Variants in OSTC observed in about 807,000 individuals in gnomAD.
OSTC encodes the protein oligosaccharyltransferase complex subunit OSTC.
Under a neutral mutation model 16.4 loss-of-function variants are expected in OSTC, and 16 were observed. That is an observed-to-expected ratio of 0.98 (90% CI 0.66 to 1.49). The LOEUF (loss-of-function observed/expected upper bound fraction) is 1.49. Among genes scored for constraint, OSTC ranks in the 40% most tolerant of loss-of-function variants. OSTC has a pLI of 0.00. For missense variants in OSTC, 139 were observed against 186.3 expected, an observed-to-expected ratio of 0.75 and a Z score of 1.48; for synonymous variants, 67 against 68.5, an observed-to-expected ratio of 0.98 and a Z score of 0.11.
At chr4:108,656,565 T>C (rs547108883) in intron 2 of OSTC, among the ~76,000 whole-genome samples, 2 of 123,560 alleles carry the variant, frequency 1.6e-5, no homozygotes, top group Non-Finnish European at 3.3e-5. Context: ...TGATAAAAGC[T>C]CTGTATCCCT....
At chr4:108,654,941 G>A (rs967464733) in intron 1 of OSTC, among the ~76,000 whole-genome samples, 11 of 152,116 alleles carry the variant, frequency 7.2e-5, no homozygotes, top group Admixed American at 3.3e-4. Flanking sequence ...TTTGTGAACC[G>A]AAGTAGAGCC....
rs771054474 is a variant in OSTC at position 108,650,801 on chromosome 4, C to T, written c.139+7C>T. On this transcript the variant is annotated splice_region_variant and intron_variant, in intron 1 of 3. Transcript: ENST00000361564. Reference sequence around the variant, plus strand: ...TACTTCCTCATCACCGGAGGTAACTCGGGCTGTCGGGCCCGAGAGGCTGAG... The same window carrying T: ...TACTTCCTCATCACCGGAGGTAACTTGGGCTGTCGGGCCCGAGAGGCTGAG... The T allele has an allele frequency of 2.5e-6, 4 of 1,614,016 alleles. No homozygotes were observed. The highest frequency in any genetic ancestry group is 2.2e-5 in the South Asian group (2 of 91,072).
chr4:108,660,868 T>C (rs1726838846), intron 3 of OSTC, among the ~76,000 whole-genome samples: 1 of 152,226 alleles, frequency 6.6e-6, no homozygotes, highest in South Asian at 2.1e-4. Context: ...GATATAATTT[T>C]ACTAATTAAA....
chr4:108,652,328 C>T (rs1002270980), intron 1 of OSTC: 4 of 152,094 alleles, frequency 2.6e-5, no homozygotes, highest in African/African-American at 9.7e-5. Flanking sequence ...ATGCTAGTTT[C>T]TTTCCTGTAA....
rs150876810 is a variant in OSTC at position 108,652,251 on chromosome 4, A to C, written c.139+1457A>C. On this transcript the variant is annotated intron_variant, in intron 1 of 3. Coordinates refer to ENST00000361564, the MANE Select transcript of OSTC (RefSeq NM_021227.4). ...CTCGCAAATTCGTGAAGCGTTCCAT[A>C]TTTTTGCACAGTTCACGAAGGTCGT... 1.0e-3 allele frequency: 153 copies of C among 152,188 alleles called. 1 individual carries two copies. The highest frequency in any genetic ancestry group is 3.5e-3 in the African/African-American group (144 of 41,526). The allele number at this position is 152,188 out of a possible 1,614,324, so 9.4% of individuals were successfully genotyped here. A position where few individuals can be genotyped will look rare whatever the true frequency, so the allele number is the denominator to read the frequency against.
intron 1 of OSTC, 120 bp downstream of exon 1, chr4:108,650,914 C>T (rs966732635): frequency 2.3e-5 from 33 of 1,449,162 alleles, no homozygotes; most frequent in Non-Finnish European, 2.7e-5. Context: ...TGGATCTTTT[C>T]TGAGGGTGGA....
At chr4:108,660,640 G>A (rs1160470903) in intron 3 of OSTC, among the ~76,000 whole-genome samples, 1 of 152,138 alleles carries the variant, frequency 6.6e-6, no homozygotes, top group Admixed American at 6.5e-5. Flanking sequence ...AATAGCCACT[G>A]GTTTTTCCAA....
At chr4:108,650,914 C>A in intron 1 of OSTC, 120 bp downstream of exon 1, 1 of 1,449,280 alleles carries the variant, frequency 6.9e-7, no homozygotes, top group Non-Finnish European at 9.3e-7. Context: ...TGGATCTTTT[C>A]TGAGGGTGGA....
intron 1 of OSTC, among the ~76,000 whole-genome samples, chr4:108,654,624 A>G (rs1240573090): frequency 6.6e-6 from 1 of 152,220 alleles, no homozygotes; most frequent in Non-Finnish European, 1.5e-5. Flanking sequence ...AGGCTAGGAT[A>G]AGGGAGATAG....
At chr4:108,659,167 A>G (rs1208100674) in intron 3 of OSTC, among the ~76,000 whole-genome samples, 2 of 89,808 alleles carry the variant, frequency 2.2e-5, no homozygotes, top group East Asian at 8.6e-4. Flanking sequence ...TTTTTAGTAG[A>G]GACAAGTTTT....
Position 108,650,689 on chromosome 4 carries a change from C to T in OSTC, c.34C>T (p.Leu12Phe), listed in dbSNP as rs1319489832. The T allele has an allele frequency of 6.2e-7, 1 of 1,614,210 alleles. No homozygotes were observed. Among genetic ancestry groups the T allele is most frequent in the Non-Finnish European group, 8.5e-7 (1 of 1,180,022 alleles). The change falls in exon 1 of 4, where the codon CTC becomes TTC. Residue 12 changes from leucine (L) to phenylalanine (F), a missense_variant. Physicochemically the swap from Leu to Phe is conservative, Grantham distance 22. Coordinates refer to ENST00000361564, the MANE Select transcript of OSTC (RefSeq NM_021227.4). ...ETLYRVPFLV[L>F]ECPNLKLKKP... Reference sequence around the variant, plus strand: ...TTTGTACCGTGTCCCGTTCTTAGTGCTCGAATGTCCCAACCTGAAGCTGAA... The same window carrying T: ...TTTGTACCGTGTCCCGTTCTTAGTGTTCGAATGTCCCAACCTGAAGCTGAA...
chr4:108,662,208 G>A (rs757212929), intron 3 of OSTC, among the ~76,000 whole-genome samples: 2 of 152,136 alleles, frequency 1.3e-5, no homozygotes, highest in Non-Finnish European at 2.9e-5. Context: ...CAGAAAACAA[G>A]TTCTCTTAAA....
intron 2 of OSTC, among the ~76,000 whole-genome samples, chr4:108,657,051 C>A (rs541115349): frequency 1.4e-5 from 2 of 146,484 alleles, no homozygotes; most frequent in East Asian, 4.0e-4. Context: ...TGGGCGACAG[C>A]AAGACTCAAT....
chr4:108,655,296 T>C (rs1726671863), intron 1 of OSTC, among the ~76,000 whole-genome samples: 1 of 152,052 alleles, frequency 6.6e-6, no homozygotes, highest in African/African-American at 2.4e-5. Context: ...TGAAATCCCG[T>C]CTCTACTAAA....
chr4:108,653,884 C>T (rs1726623123), intron 1 of OSTC, among the ~76,000 whole-genome samples: 1 of 152,064 alleles, frequency 6.6e-6, no homozygotes, highest in Admixed American at 6.6e-5. Context: ...ATTTGAGAGG[C>T]CTTGGCACAT....
intron 1 of OSTC, among the ~76,000 whole-genome samples, chr4:108,655,046 A>G (rs1250212844): frequency 6.6e-6 from 1 of 152,246 alleles, no homozygotes; most frequent in Non-Finnish European, 1.5e-5. Flanking sequence ...CTTCATTTAG[A>G]TATCATACAG....
At chr4:108,659,047 C>T (rs1476100944) in intron 3 of OSTC, among the ~76,000 whole-genome samples, 4 of 143,952 alleles carry the variant, frequency 2.8e-5, no homozygotes, top group South Asian at 2.2e-4. Flanking sequence ...GGTGCAATCT[C>T]GGCTCACTGC....
chr4:108,651,759 C>T (rs1366015015), intron 1 of OSTC, among the ~76,000 whole-genome samples: 1 of 152,090 alleles, frequency 6.6e-6, no homozygotes, highest in Non-Finnish European at 1.5e-5. Context: ...TTTGGGATAG[C>T]AAAAGTAGTT....
At chr4:108,651,808 T>C (rs919460175) in intron 1 of OSTC, among the ~76,000 whole-genome samples, 2 of 152,226 alleles carry the variant, frequency 1.3e-5, no homozygotes, top group African/African-American at 4.8e-5. Flanking sequence ...GTTATTTTCA[T>C]AGATGTTTTG....
Sources: allele counts gnomAD v4.1 joint callset (sites outside exome capture counted in the v4.1 genomes callset), GRCh38; gene constraint gnomAD v4.1.1; transcripts MANE v1.5; gene names NCBI Gene and HGNC (gene_info 2026-07-23, HGNC 2026-07-21).